SUN1: variants seen among roughly 807,000 people sequenced by gnomAD.
SUN1 encodes Sad1 and UNC84 domain containing 1.
Under a neutral mutation model 103.2 loss-of-function variants are expected in SUN1, and 61 were observed. That is an observed-to-expected ratio of 0.59 (90% confidence interval 0.48 to 0.73). SUN1 has a LOEUF of 0.73. Among genes scored for constraint, SUN1 ranks in the 30% least tolerant of loss-of-function variants. The pLI, the probability that SUN1 is intolerant of heterozygous loss-of-function variation, is 0.00. For missense variants in SUN1, 1,052 were observed against 1,034.6 expected (o/e 1.02, Z -0.23); for synonymous variants, 490 against 425.7 (o/e 1.15, Z -1.86).
intron 1 of SUN1, chr7:817,610 T>A: frequency 1.5e-6 from 2 of 1,300,162 alleles, no homozygotes; most frequent in South Asian, 2.7e-5. Context: ...TAAGCTTCAG[T>A]CATAGTATTG....
intron 1 of SUN1, among the ~76,000 whole-genome samples, chr7:824,718 G>A (rs1044625201): frequency 9.2e-5 from 14 of 152,322 alleles, no homozygotes; most frequent in Admixed American, 3.9e-4. Flanking sequence ...GTTCAGGCTA[G>A]ATGGGCTTGC....
At chr7:872,732 C>T (rs1281661388) in intron 18 of SUN1, among the ~76,000 whole-genome samples, 170 bp downstream of exon 18, 4 of 152,202 alleles carry the variant, frequency 2.6e-5, no homozygotes, top group South Asian at 2.1e-4. Context: ...TGGCTAATAG[C>T]GTTCTCAGTT....
intron 1 of SUN1, among the ~76,000 whole-genome samples, chr7:824,786 G>A (rs1247352168): frequency 1.3e-5 from 2 of 152,124 alleles, no homozygotes; most frequent in Non-Finnish European, 2.9e-5. Context: ...TTGCATCTTG[G>A]CTAGGAACTA....
chr7:844,507 C>T (rs894396651), intron 5 of SUN1, among the ~76,000 whole-genome samples: 1 of 152,240 alleles, frequency 6.6e-6, no homozygotes, highest in African/African-American at 2.4e-5. Context: ...CCTAAGATTT[C>T]TCGCATCTCG....
At chr7:851,925 G>A in intron 6 of SUN1, 25 bp from the exon 7 acceptor site, 1 of 1,608,070 alleles carries the variant, frequency 6.2e-7, no homozygotes, top group Non-Finnish European at 8.5e-7. Flanking sequence ...CATTTCCTTA[G>A]AATGTTTGGT....
chr7:835,831 C>G (rs1329409651), intron 1 of SUN1, among the ~76,000 whole-genome samples: 3 of 152,230 alleles, frequency 2.0e-5, no homozygotes, highest in African/African-American at 7.2e-5. Flanking sequence ...CCCTCGGAAC[C>G]AACGTGCTGC....
At chr7:852,262 C>T in intron 7 of SUN1, 1 of 611,356 alleles carries the variant, frequency 1.6e-6, no homozygotes, top group Non-Finnish European at 2.8e-6. Context: ...AGAGGTGAGG[C>T]AGCTGGGAGG....
chr7:861,812 C>T (rs763739456), intron 15 of SUN1, among the ~76,000 whole-genome samples: 4 of 152,200 alleles, frequency 2.6e-5, no homozygotes, highest in Admixed American at 1.3e-4. Flanking sequence ...CAGCTCTCCC[C>T]GAGGGCGTCC....
At position 854,957 on chromosome 7, in the gene SUN1, G is replaced by A. The variant is rs776823974; in HGVS notation, c.1301G>A (p.Arg434His). 78 of 1,613,664 alleles carry A rather than the reference G, an allele frequency of 4.8e-5. No individual in the cohort carries two copies. The highest frequency in any genetic ancestry group is 1.2e-4 in the South Asian group (11 of 91,038). Residue 434 changes from arginine to histidine, a missense_variant, in exon 11 of 19, where the codon CGT becomes CAT. Coordinates refer to ENST00000401592, the MANE Select transcript of SUN1 (RefSeq NM_001130965.3). The stretch of plus-strand genomic sequence containing the variant: ...GCCTTTCACCAAGAACATGAAGTGC[G>A]TATGTCACACTTGGAAGATATTCTG... The part of the protein sequence containing the change: ...FMAFHQEHEV[R>H]MSHLEDILGK...
At chr7:845,975 C>T (rs1815227933) in intron 5 of SUN1, among the ~76,000 whole-genome samples, 1 of 152,198 alleles carries the variant, frequency 6.6e-6, no homozygotes, top group Admixed American at 6.5e-5. Flanking sequence ...TCCTAGGCAC[C>T]TGCAGGACTG....
intron 1 of SUN1, 86 bp downstream of exon 1, chr7:832,687 G>A (rs1799063460): frequency 1.0e-6 from 1 of 999,108 alleles, no homozygotes; most frequent in Non-Finnish European, 1.6e-6. Context: ...GAACTCCATA[G>A]TACTACCGAC....
intron 1 of SUN1, among the ~76,000 whole-genome samples, chr7:838,526 C>T (rs1334953516): frequency 6.6e-6 from 1 of 152,154 alleles, no homozygotes; most frequent in Non-Finnish European, 1.5e-5. Flanking sequence ...TCAAGCAGTT[C>T]TTAGGGTGAG....
At chr7:870,456 C>A (rs1325094358) in intron 17 of SUN1, among the ~76,000 whole-genome samples, 1 of 151,826 alleles carries the variant, frequency 6.6e-6, no homozygotes, top group African/African-American at 2.4e-5. Flanking sequence ...CAGGCTTATG[C>A]GTGCCTGTCA....
chr7:852,509 G>A (rs1823175881), intron 7 of SUN1, 100 bp from the exon 8 acceptor site: 13 of 1,360,486 alleles, frequency 9.6e-6, no homozygotes, highest in South Asian at 8.2e-5. Flanking sequence ...CTAATACTGG[G>A]GGGGTGGATT....
intron 5 of SUN1, chr7:849,376 T>G: frequency 2.0e-6 from 1 of 512,550 alleles, no homozygotes; most frequent in Non-Finnish European, 3.4e-6. Flanking sequence ...CATTCACCTG[T>G]GTGGTAGGAG....
rs1265234983 is a variant in SUN1 at position 847,155 on chromosome 7, G to T, written c.658+3635G>T. Among the ~76,000 whole-genome samples the T allele has an allele frequency of 2.0e-5, 3 of 152,354 alleles. No homozygotes were observed. The East Asian group carries it at 5.8e-4, about 29-fold the overall frequency. ...TAGTGTATGTGTGAACAGCATTGGAGTGAAGTGGCCACGGCTCGGGTACTC... is the reference window on the plus strand; with the variant it reads ...TAGTGTATGTGTGAACAGCATTGGATTGAAGTGGCCACGGCTCGGGTACTC... On this transcript the variant is annotated intron_variant, in intron 5 of 18. Coordinates refer to ENST00000401592, the MANE Select transcript of SUN1 (RefSeq NM_001130965.3).
chr7:869,144 T>C (rs1036459099), intron 16 of SUN1: 1 of 628,308 alleles, frequency 1.6e-6, no homozygotes, highest in Non-Finnish European at 2.8e-6. Flanking sequence ...TTTTAACTTT[T>C]ATACAACATA....
chr7:830,589 C>T (rs1420727515), upstream of SUN1, among the ~76,000 whole-genome samples: 1 of 92,058 alleles, frequency 1.1e-5, no homozygotes, highest in Non-Finnish European at 2.3e-5. Context: ...CACATCCTCA[C>T]TTCCTCAGCA....
chr7:823,019 C>T (rs1435450203), intron 1 of SUN1, among the ~76,000 whole-genome samples: 2 of 152,256 alleles, frequency 1.3e-5, no homozygotes, highest in Non-Finnish European at 2.9e-5. Context: ...GCCCTGTGGC[C>T]ACGCATGAAT....
Sources: gnomAD v4.1 joint callset for allele counts (sites outside exome capture counted in the v4.1 genomes callset) on GRCh38, gnomAD v4.1.1 for gene constraint, MANE v1.5 for transcripts, NCBI Gene and HGNC (gene_info 2026-07-23, HGNC 2026-07-21) for gene names.